FRMD3: variants seen among roughly 807,000 people sequenced by gnomAD.
The protein encoded by FRMD3 is FERM domain-containing protein 3.
In FRMD3, 33 loss-of-function variants were observed where a neutral mutation model predicts 70.2. That is an observed-to-expected ratio of 0.47 (90% confidence interval 0.36 to 0.63). The LOEUF is 0.63. Ranked by LOEUF, FRMD3 falls within the 20% of genes least tolerant of loss-of-function variation. The pLI is 0.00. For synonymous variants in FRMD3, 279 were observed against 255.9 expected (o/e 1.09, Z -0.86); for missense variants, 632 against 711.4 (o/e 0.89, Z 1.27).
At chr9:83,274,367 C>T (rs1228860097) in intron 13 of FRMD3, among the ~76,000 whole-genome samples, 3 of 145,250 alleles carry the variant, frequency 2.1e-5, no homozygotes, top group African/African-American at 8.1e-5. Context: ...TTAGGCCAGA[C>T]ATTTAAACTG....
chr9:83,270,155 G>A (rs1313339238), intron 13 of FRMD3, among the ~76,000 whole-genome samples: 1 of 152,214 alleles, frequency 6.6e-6, no homozygotes, highest in Non-Finnish European at 1.5e-5. Flanking sequence ...CTTGAATACT[G>A]TTCCTGTTTC....
the FRMD3 span, among the ~76,000 whole-genome samples, chr9:83,554,098 C>G: frequency 6.6e-6 from 1 of 152,144 alleles, no homozygotes; most frequent in East Asian, 1.9e-4. Context: ...GACTTCTTAT[C>G]TCTAGTTTCA....
the FRMD3 span, among the ~76,000 whole-genome samples, chr9:83,555,963 T>C: frequency 6.6e-6 from 1 of 152,198 alleles, no homozygotes; most frequent in Non-Finnish European, 1.5e-5. Context: ...TCCATGTTGC[T>C]CCCAGGTGAG....
chr9:83,566,646 A>G, the FRMD3 span, among the ~76,000 whole-genome samples: 2 of 152,206 alleles, frequency 1.3e-5, no homozygotes, highest in Admixed American at 6.5e-5. Context: ...CATTCCAAAT[A>G]AGAGAAATTG....
chr9:83,254,835 G>A (rs1250962681), intron 13 of FRMD3, among the ~76,000 whole-genome samples: 1 of 152,090 alleles, frequency 6.6e-6, no homozygotes, highest in Non-Finnish European at 1.5e-5. Flanking sequence ...GAGAGAAACT[G>A]AATATCTGAA....
chr9:83,307,748 G>GA (rs1266606876), intron 10 of FRMD3, among the ~76,000 whole-genome samples: 21 of 152,144 alleles, frequency 1.4e-4, no homozygotes, highest in African/African-American at 5.1e-4. Context: ...ATATCACTTT[G>GA]TGAATTACAC....
At chr9:83,511,637 AAAAT>A (rs1829341172) in intron 1 of FRMD3, among the ~76,000 whole-genome samples, 4 of 152,248 alleles carry the variant, frequency 2.6e-5, no homozygotes, top group Non-Finnish European at 2.9e-5. Context: ...TCATTAACAG[AAAAT>A]AAATAAATAA....
At chr9:83,406,633 C>G (rs187218846) in intron 1 of FRMD3, among the ~76,000 whole-genome samples, 2 of 152,336 alleles carry the variant, frequency 1.3e-5, no homozygotes, top group Admixed American at 1.3e-4. Flanking sequence ...TTTCAACCCA[C>G]GAGTGCTGCT....
rs1378467468 is a variant in FRMD3 at position 83,302,184 on chromosome 9, C to G, written c.927-2998G>C. The stretch of plus-strand genomic sequence containing the variant: ...GAATCCGGAGTACCAGATCCCAAAC[C>G]TGGCCGGGCATCAGACACCTGGAGT... On this transcript the variant is annotated intron_variant, in intron 10 of 13. Transcript: ENST00000304195. 2.6e-5 allele frequency among the ~76,000 whole-genome samples: 4 copies of G among 152,174 alleles called. No individual in the cohort carries two copies. The East Asian group carries it at 7.7e-4, about 29-fold the overall frequency.
At chr9:83,279,489 T>C (rs1802638648) in intron 13 of FRMD3, 2 of 152,060 alleles carry the variant, frequency 1.3e-5, no homozygotes, top group African/African-American at 4.8e-5. Flanking sequence ...CATTCTATTA[T>C]AAAGATACAA....
intron 1 of FRMD3, among the ~76,000 whole-genome samples, chr9:83,476,754 C>T (rs942044395): frequency 3.9e-5 from 6 of 152,192 alleles, no homozygotes; most frequent in Non-Finnish European, 8.8e-5. Context: ...TAACATGGGT[C>T]TCCTGGGGCT....
At chr9:83,276,087 G>A (rs1833784755) in intron 13 of FRMD3, 1 of 152,178 alleles carries the variant, frequency 6.6e-6, no homozygotes, top group Non-Finnish European at 1.5e-5. Flanking sequence ...TAGGGCTTAA[G>A]AATTCCTTGA....
intron 12 of FRMD3, among the ~76,000 whole-genome samples, chr9:83,292,854 C>T (rs1463799280): frequency 6.6e-6 from 1 of 152,040 alleles, no homozygotes; most frequent in East Asian, 1.9e-4. Flanking sequence ...CCATGTTGGG[C>T]AGGCTGGTCT....
chr9:83,485,721 G>T (rs1423304304), intron 1 of FRMD3, among the ~76,000 whole-genome samples: 1 of 152,182 alleles, frequency 6.6e-6, no homozygotes, highest in African/African-American at 2.4e-5. Flanking sequence ...TTAGTATGAA[G>T]CAGTAGAAAG....
the FRMD3 span, among the ~76,000 whole-genome samples, chr9:83,573,904 G>T: frequency 6.6e-6 from 1 of 152,174 alleles, no homozygotes; most frequent in South Asian, 2.1e-4. Flanking sequence ...TGACAAAAGG[G>T]CTGTGTTGTT....
chr9:83,438,413 T>TTTTGTTTTGTTTTGTTTTGTTTTG (rs10651216), intron 1 of FRMD3, among the ~76,000 whole-genome samples: 5 of 151,128 alleles, frequency 3.3e-5, no homozygotes, highest in East Asian at 2.0e-4. Flanking sequence ...GAGAGTTTTT[T>TTTTGTTTTGTTTTGTTTTGTTTTG]TTTTGTTTTG....
intron 5 of FRMD3, among the ~76,000 whole-genome samples, chr9:83,342,720 ATAGATAGATAGATAGT>A (rs1241410369): frequency 3.5e-4 from 52 of 148,356 alleles, no homozygotes; most frequent in African/African-American, 7.4e-4. Flanking sequence ...AGATAGATAG[ATAGATAGATAGATAGT>A]TAGATAGACA....
At chr9:83,485,253 T>G (rs563968443) in intron 1 of FRMD3, among the ~76,000 whole-genome samples, 2 of 152,328 alleles carry the variant, frequency 1.3e-5, no homozygotes, top group Non-Finnish European at 2.9e-5. Flanking sequence ...TGAAATGCCC[T>G]TCAGTAATTT....
intron 3 of FRMD3, among the ~76,000 whole-genome samples, chr9:83,351,624 G>A (rs1824160503): frequency 6.6e-6 from 1 of 151,960 alleles, no homozygotes; most frequent in African/African-American, 2.4e-5. Flanking sequence ...TTTTAAGTTT[G>A]TTTAAAGTAC....
Sources: allele counts gnomAD v4.1 joint callset (sites outside exome capture counted in the v4.1 genomes callset), GRCh38; gene constraint gnomAD v4.1.1; transcripts MANE v1.5; gene names NCBI Gene and HGNC (gene_info 2026-07-23, HGNC 2026-07-21).